The following EYS variants were observed in gnomAD, a reference collection of about 807,000 sequenced individuals.
The protein encoded by EYS is EGF-like photoreceptor maintenance factor.
Under a neutral mutation model 282.1 loss-of-function variants are expected in EYS, and 250 were observed. That is an observed-to-expected ratio of 0.89 (90% CI 0.80 to 0.98). The LOEUF (loss-of-function observed/expected upper bound fraction) is 0.98, where lower values mean the gene tolerates loss of function less well. Among genes scored for constraint, EYS ranks in the 50% least tolerant of loss-of-function variants. The pLI, the probability that EYS is intolerant of heterozygous loss-of-function variation, is 0.00. For synonymous variants in EYS, 1,355 were observed against 1,282.9 expected (o/e 1.06, Z -1.20); for missense variants, 4,016 against 3,709.0 (o/e 1.08, Z -2.15).
chr6:63,987,239 A>G (rs1404411303), intron 34 of EYS, among the ~76,000 whole-genome samples: 1 of 151,674 alleles, frequency 6.6e-6, no homozygotes, highest in Admixed American at 6.6e-5. Flanking sequence ...CTGTTTTTTC[A>G]GTGTAGCTGT....
At chr6:64,136,454 A>G (rs1193135093) in intron 31 of EYS, among the ~76,000 whole-genome samples, 1 of 152,156 alleles carries the variant, frequency 6.6e-6, no homozygotes, top group African/African-American at 2.4e-5. Flanking sequence ...AAAATTTTCA[A>G]TTGACTTTGC....
At chr6:65,419,295 T>A (rs901998128) in intron 5 of EYS, among the ~76,000 whole-genome samples, 3 of 151,896 alleles carry the variant, frequency 2.0e-5, no homozygotes, top group Admixed American at 1.3e-4. Context: ...AAAATAGAAA[T>A]TTTATAATTT....
chr6:63,894,016 G>A (rs1260057126), intron 35 of EYS, among the ~76,000 whole-genome samples: 1 of 152,180 alleles, frequency 6.6e-6, no homozygotes, highest in African/African-American at 2.4e-5. Flanking sequence ...TGTGTGAGGA[G>A]CCTGAGGGGA....
At chr6:64,172,449 C>T (rs1029226452) in intron 31 of EYS, among the ~76,000 whole-genome samples, 6 of 152,120 alleles carry the variant, frequency 3.9e-5, no homozygotes, top group African/African-American at 7.2e-5. Flanking sequence ...TTAGTTACCA[C>T]GCGTGAGCGA....
At chr6:64,546,414 A>T (rs1764870123) in intron 26 of EYS, among the ~76,000 whole-genome samples, 1 of 152,224 alleles carries the variant, frequency 6.6e-6, no homozygotes, top group Non-Finnish European at 1.5e-5. Context: ...AAACCATAAA[A>T]ACCCTAGAAG....
At chr6:64,114,885 A>G (rs1282685068) in intron 31 of EYS, among the ~76,000 whole-genome samples, 2 of 152,048 alleles carry the variant, frequency 1.3e-5, no homozygotes, top group Non-Finnish European at 2.9e-5. Flanking sequence ...GCCCAACCCA[A>G]CAAGAAGCTA....
At chr6:64,393,805 T>A (rs904925233) in intron 28 of EYS, among the ~76,000 whole-genome samples, 8 of 152,012 alleles carry the variant, frequency 5.3e-5, no homozygotes, top group African/African-American at 9.7e-5. Flanking sequence ...GAGAAGGAAA[T>A]AAATGGTATT....
chr6:65,609,593 G>A (rs1219516873), intron 2 of EYS, among the ~76,000 whole-genome samples: 1 of 151,936 alleles, frequency 6.6e-6, no homozygotes, highest in Non-Finnish European at 1.5e-5. Flanking sequence ...CATTTGAAAG[G>A]TTTGAATTGC....
intron 16 of EYS, among the ~76,000 whole-genome samples, chr6:64,908,385 T>G (rs1381710172): frequency 6.6e-6 from 1 of 152,086 alleles, no homozygotes; most frequent in Non-Finnish European, 1.5e-5. Flanking sequence ...CTCCTTTAGT[T>G]CCACCATTCA....
At chr6:65,440,912 A>G (rs1043015979) in intron 5 of EYS, among the ~76,000 whole-genome samples, 5 of 147,502 alleles carry the variant, frequency 3.4e-5, no homozygotes, top group Non-Finnish European at 4.5e-5. Flanking sequence ...ATATATATAT[A>G]AACAGTATAT....
rs1368336128 is a variant in EYS at position 65,264,390 on chromosome 6, C to A, written c.2023+31473G>T. 2.0e-5 allele frequency among the ~76,000 whole-genome samples: 3 copies of A among 152,132 alleles called. No individual in the cohort carries two copies. In the East Asian group the frequency reaches 5.8e-4, roughly 29 times the overall value. ...ATTGTTTTCATTACTTTTAAACATG[C>A]AGAGAATGAGACTGGATTTTTAAAA... is the stretch of plus-strand genomic sequence containing the variant. On this transcript the variant is annotated intron_variant, in intron 12 of 42. Transcript: ENST00000503581.
intron 19 of EYS, among the ~76,000 whole-genome samples, chr6:64,831,069 A>T (rs569784579): frequency 8.6e-5 from 13 of 152,040 alleles, no homozygotes; most frequent in Admixed American, 8.5e-4. Context: ...TTAGCTCAAC[A>T]TCTTCCTTTC....
intron 24 of EYS, among the ~76,000 whole-genome samples, chr6:64,615,966 A>AT (rs1448425652): frequency 3.9e-5 from 6 of 152,102 alleles, no homozygotes; most frequent in East Asian, 3.9e-4. Flanking sequence ...TTCAGATTTG[A>AT]TTTTTTTATT....
intron 23 of EYS, 67 bp downstream of exon 23, chr6:64,626,054 A>G: frequency 1.0e-6 from 1 of 954,442 alleles, no homozygotes; most frequent in Non-Finnish European, 1.6e-6. Context: ...ATACATGTCC[A>G]TATACATTTA....
chr6:64,045,417 AT>A (rs1293318997), intron 33 of EYS, among the ~76,000 whole-genome samples: 1 of 146,820 alleles, frequency 6.8e-6, no homozygotes, highest in East Asian at 2.0e-4. Flanking sequence ...ATTTTATTTT[AT>A]TTTATTTTAT....
At position 64,371,324 on chromosome 6, in the gene EYS, G is replaced by GTTT. The variant is rs34032224; in HGVS notation, c.6078+17363_6078+17365dup. ...TGATTTCTATGTAATTTTATGGTTG[G>GTTT]TTTTTTTTTTTTGCATTGGTTTCTA... is the stretch of plus-strand genomic sequence containing the variant. On this transcript the variant is annotated intron_variant, in intron 29 of 42. Coordinates refer to ENST00000503581, the MANE Select transcript of EYS (RefSeq NM_001142800.2). Among the ~76,000 whole-genome samples the GTTT allele has an allele frequency of 2.7e-3, 386 of 143,118 alleles. 2 individuals carry two copies. The highest frequency in any genetic ancestry group is 9.1e-3 in the African/African-American group (358 of 39,154). 93.9% of individuals were successfully genotyped at this position (143,118 alleles called of 152,430 possible). A position where few individuals can be genotyped will look rare whatever the true frequency, so the allele number is the denominator to read the frequency against.
At chr6:64,006,596 C>T (rs1187979411) in intron 33 of EYS, among the ~76,000 whole-genome samples, 1 of 151,968 alleles carries the variant, frequency 6.6e-6, no homozygotes, top group Non-Finnish European at 1.5e-5. Flanking sequence ...CCATCTGGTG[C>T]CTATTCAGTA....
At chr6:64,517,189 G>T (rs746858507) in intron 26 of EYS, among the ~76,000 whole-genome samples, 53 of 151,724 alleles carry the variant, frequency 3.5e-4, no homozygotes, top group Non-Finnish European at 5.7e-4. Context: ...AGCAGATAGG[G>T]CCAAATAATT....
chr6:65,159,533 C>A (rs1202474440), intron 12 of EYS, among the ~76,000 whole-genome samples: 1 of 150,806 alleles, frequency 6.6e-6, no homozygotes, highest in African/African-American at 2.4e-5. Context: ...TTTTTGAGCA[C>A]ACGTTCAAAA....
Sources: gnomAD v4.1 joint callset for allele counts (sites outside exome capture counted in the v4.1 genomes callset) on GRCh38, gnomAD v4.1.1 for gene constraint, MANE v1.5 for transcripts, NCBI Gene and HGNC (gene_info 2026-07-23, HGNC 2026-07-21) for gene names.